Variants in MICAL3 observed in about 807,000 individuals in gnomAD.
MICAL3 encodes microtubule associated monooxygenase, calponin and LIM domain containing 3.
Under a neutral mutation model 207.4 loss-of-function variants are expected in MICAL3, and 62 were observed. The ratio of observed to expected loss-of-function variants is 0.30; its 90% CI spans 0.24 to 0.37. The LOEUF is 0.37. Ranked by LOEUF, MICAL3 falls within the 10% of genes least tolerant of loss-of-function variation. MICAL3 has a pLI of 1.00. For missense variants in MICAL3, 2,368 were observed against 2,635.6 expected (o/e 0.90, Z 2.22); for synonymous variants, 1,077 against 1,069.3 (o/e 1.01, Z -0.14).
chr22:17,972,528 G>A (rs115647360), intron 1 of MICAL3, among the ~76,000 whole-genome samples: 1 of 152,242 alleles, frequency 6.6e-6, no homozygotes, highest in African/African-American at 2.4e-5. Context: ...GGTTGAGCCC[G>A]CCTACAACAC....
intron 1 of MICAL3, among the ~76,000 whole-genome samples, chr22:17,953,041 C>T (rs1414405099): frequency 1.3e-5 from 2 of 152,186 alleles, no homozygotes; most frequent in Non-Finnish European, 2.9e-5. Flanking sequence ...CAACTTCAAC[C>T]AAAATCCTCT....
At chr22:17,964,348 C>T (rs5992135) in intron 1 of MICAL3, among the ~76,000 whole-genome samples, 30,375 of 152,124 alleles carry the variant, frequency 0.2, 3,199 homozygotes, top group Middle Eastern at 0.27. Flanking sequence ...TGCAAAGCCC[C>T]GTCTCCCAGC....
chr22:17,826,880 T>A (rs539126979), intron 22 of MICAL3, among the ~76,000 whole-genome samples: 157 of 137,588 alleles, frequency 1.1e-3, no homozygotes, highest in Non-Finnish European at 2.1e-3. Flanking sequence ...AAACGTCTTA[T>A]TAATGCTGTT....
intron 19 of MICAL3, among the ~76,000 whole-genome samples, chr22:17,856,308 G>A (rs1925882672): frequency 6.6e-6 from 1 of 152,200 alleles, no homozygotes; most frequent in Admixed American, 6.5e-5. Context: ...TTTCTTGGTT[G>A]CAAACACAGA....
intron 1 of MICAL3, among the ~76,000 whole-genome samples, chr22:17,914,985 A>G (rs1291380568): frequency 6.6e-6 from 1 of 152,166 alleles, no homozygotes; most frequent in Non-Finnish European, 1.5e-5. Context: ...GTACAGACCA[A>G]AAGACCCACA....
Position 17,818,227 on chromosome 22 carries a change from C to A in MICAL3, c.4434G>T (p.Glu1478Asp). The A allele has an allele frequency of 6.5e-7, 1 of 1,539,318 alleles. No individual in the cohort carries two copies. The highest frequency in any genetic ancestry group is 2.4e-5 in the East Asian group (1 of 41,248). ...EPATLRRKLR[E>D]AEPNASVVPP... is the part of the protein sequence containing the mutation. Reference sequence around the variant, plus strand: ...GGACCACCGAGGCATTGGGCTCGGCCTCCCTGAGCTTCCTCCGCAAGGTGG... The same window carrying A: ...GGACCACCGAGGCATTGGGCTCGGCATCCCTGAGCTTCCTCCGCAAGGTGG... Residue 1478 changes from glutamate (E) to aspartate (D), a missense_variant, in exon 26 of 32, where the codon GAG becomes GAT. Glu to Asp is a conservative substitution (Grantham distance 45, BLOSUM62 2). Around this residue, in one of 4 missense-constraint regions of MICAL3, gnomAD observed 1,770 missense variants for 1,863.2 expected, o/e 0.95. Coordinates refer to ENST00000441493, the MANE Select transcript of MICAL3 (RefSeq NM_015241.3).
chr22:17,810,032 G>A (rs903314523), intron 28 of MICAL3, among the ~76,000 whole-genome samples: 2 of 151,076 alleles, frequency 1.3e-5, no homozygotes, highest in African/African-American at 2.4e-5. Context: ...GGGATTACAG[G>A]GGCCCGCCAC....
chr22:17,986,876 C>T (rs1382408141), intron 1 of MICAL3, among the ~76,000 whole-genome samples: 1 of 152,056 alleles, frequency 6.6e-6, no homozygotes, highest in Non-Finnish European at 1.5e-5. Context: ...CATTTATTTC[C>T]AAAGTAGATT....
At chr22:18,001,823 GAAGCCACATGAAGTGGCCAATGGAGA>G (rs1923043598) in intron 1 of MICAL3, among the ~76,000 whole-genome samples, 1 of 152,252 alleles carries the variant, frequency 6.6e-6, no homozygotes, top group African/African-American at 2.4e-5. Flanking sequence ...GAAGGGGCGA[GAAGCCACATGAAGTGGCCAATGGAGA>G]AACCCGGTGG....
Position 17,817,820 on chromosome 22 carries a change from G to A in MICAL3, c.4841C>T (p.Ala1614Val). Residue 1614 changes from alanine (A) to valine (V), a missense_variant, in exon 26 of 32, where the codon GCC becomes GTC. Ala to Val is a moderately conservative substitution (Grantham distance 64, BLOSUM62 0). This residue lies in a region of MICAL3 where 1,770 missense variants were observed against 1,863.2 expected (regional missense o/e 0.95). Coordinates refer to ENST00000441493, the MANE Select transcript of MICAL3 (RefSeq NM_015241.3). ...CTGCTGCATCCTGCTCAGCTGCCTG[G>A]CCATGGCGTCCCGCAGCGCCTGGCT... ...VKSQALRDAMARQLSRMQQME... is the reference protein window; with the variant it reads ...VKSQALRDAMVRQLSRMQQME... The A allele has an allele frequency of 6.2e-7, 1 of 1,610,572 alleles. No homozygotes were observed. Among genetic ancestry groups the A allele is most frequent in the Non-Finnish European group, 8.5e-7 (1 of 1,178,866 alleles).
intron 16 of MICAL3, 27 bp from the exon 17 acceptor site, chr22:17,872,050 G>A (rs1455926637): frequency 6.4e-7 from 1 of 1,572,728 alleles, no homozygotes. Context: ...TCGGGAGGAA[G>A]GGGAGCACCT....
intron 1 of MICAL3, among the ~76,000 whole-genome samples, chr22:17,929,568 CT>C (rs67222681): frequency 0.019 from 2,107 of 108,814 alleles, 10 homozygotes; most frequent in Non-Finnish European, 0.026. Context: ...CTTTTCTTTT[CT>C]TTTTTTTTTT....
chr22:17,846,133 C>T (rs569716383), intron 19 of MICAL3, among the ~76,000 whole-genome samples: 5 of 152,306 alleles, frequency 3.3e-5, no homozygotes, highest in Admixed American at 1.3e-4. Context: ...GTGCTGGGGA[C>T]GGTGGAAAAG....
At chr22:17,901,173 G>A (rs1292361492) in intron 5 of MICAL3, among the ~76,000 whole-genome samples, 176 bp from the exon 6 acceptor site, 1 of 152,200 alleles carries the variant, frequency 6.6e-6, no homozygotes, top group Non-Finnish European at 1.5e-5. Flanking sequence ...CCAAGAATAT[G>A]AAAATTCAGG....
chr22:17,943,359 T>G (rs1250651508), intron 1 of MICAL3, among the ~76,000 whole-genome samples: 1 of 152,158 alleles, frequency 6.6e-6, no homozygotes, highest in Non-Finnish European at 1.5e-5. Flanking sequence ...AGACGGGGTT[T>G]CACCATGTTG....
intron 1 of MICAL3, among the ~76,000 whole-genome samples, chr22:17,959,459 C>G (rs533840165): frequency 2.0e-5 from 3 of 152,236 alleles, no homozygotes; most frequent in Admixed American, 2.0e-4. Flanking sequence ...GGATTACAGG[C>G]ACCTGCCACC....
At chr22:17,879,516 C>T (rs899221949) in intron 16 of MICAL3, 2 of 710,134 alleles carry the variant, frequency 2.8e-6, no homozygotes, top group African/African-American at 1.8e-5. Flanking sequence ...ATATCGCCTT[C>T]CCCTACTAAC....
chr22:17,945,413 G>T (rs918969076), intron 1 of MICAL3, among the ~76,000 whole-genome samples: 2 of 152,176 alleles, frequency 1.3e-5, no homozygotes, highest in African/African-American at 2.4e-5. Context: ...GCCAACATCC[G>T]CTGTGGGCTC....
chr22:17,819,024 G>T lies in MICAL3; in HGVS notation c.3637C>A (p.Pro1213Thr). ...LPKEKPKADA[P>T]SDLKAVHSPI... ...GAGTGCACAGCTTTCAGATCCGAGG[G>T]GGCATCAGCTTTGGGCTTCTCTTTG... Residue 1213 changes from proline to threonine, a missense_variant, in exon 26 of 32, where the codon CCC becomes ACC. Pro to Thr is a conservative substitution (Grantham distance 38, BLOSUM62 -1). Coordinates refer to ENST00000441493, the MANE Select transcript of MICAL3 (RefSeq NM_015241.3). 1 of 1,606,600 alleles carries T rather than the reference G, an allele frequency of 6.2e-7. No homozygotes were observed. The highest frequency in any genetic ancestry group is 8.5e-7 in the Non-Finnish European group (1 of 1,176,582).
Sources: allele counts gnomAD v4.1 joint callset (sites outside exome capture counted in the v4.1 genomes callset), GRCh38; gene constraint gnomAD v4.1.1; regional missense constraint gnomAD v4.1.1; transcripts MANE v1.5; gene names NCBI Gene and HGNC (gene_info 2026-07-23, HGNC 2026-07-21).